The following UNC5D variants were observed in gnomAD, a reference collection of about 807,000 sequenced individuals.
UNC5D encodes netrin receptor UNC5D.
In UNC5D, 39 loss-of-function variants were observed where a neutral mutation model predicts 105.4. The ratio of observed to expected loss-of-function variants is 0.37; its 90% CI spans 0.29 to 0.48. UNC5D has a LOEUF of 0.48. Among genes scored for constraint, UNC5D ranks in the 20% least tolerant of loss-of-function variants. The pLI, the probability that UNC5D is intolerant of heterozygous loss-of-function variation, is 0.98. For synonymous variants in UNC5D, 452 were observed against 450.4 expected (o/e 1.00, Z -0.04); for missense variants, 991 against 1,202.4 (o/e 0.82, Z 2.60).
At chr8:35,513,297 C>T (rs930153017) in intron 1 of UNC5D, among the ~76,000 whole-genome samples, 4 of 149,294 alleles carry the variant, frequency 2.7e-5, no homozygotes, top group African/African-American at 7.5e-5. Context: ...GGTGCAGTCT[C>T]GGCTCACTGC....
chr8:35,456,992 C>T (rs1413604511), intron 1 of UNC5D, among the ~76,000 whole-genome samples: 4 of 152,130 alleles, frequency 2.6e-5, no homozygotes, highest in South Asian at 2.1e-4. Context: ...TGCATTTTCT[C>T]GAGGTTTTGA....
At chr8:35,269,624 A>T (rs1805136340) in intron 1 of UNC5D, among the ~76,000 whole-genome samples, 1 of 152,204 alleles carries the variant, frequency 6.6e-6, no homozygotes, top group South Asian at 2.1e-4. Flanking sequence ...TTATTTAAAA[A>T]AAATTTCTTC....
chr8:35,321,101 G>C (rs902007598), intron 1 of UNC5D, among the ~76,000 whole-genome samples: 1 of 151,998 alleles, frequency 6.6e-6, no homozygotes, highest in African/African-American at 2.4e-5. Flanking sequence ...TTTTGCATCA[G>C]CTTTATTGTT....
chr8:35,541,767 AAAGT>A (rs1406617426), intron 1 of UNC5D, among the ~76,000 whole-genome samples: 1 of 152,230 alleles, frequency 6.6e-6, no homozygotes, highest in Non-Finnish European at 1.5e-5. Context: ...CTCCTGGCAG[AAAGT>A]AAATATGTCT....
At chr8:35,626,405 C>T (rs933473447) in intron 4 of UNC5D, among the ~76,000 whole-genome samples, 11 of 152,032 alleles carry the variant, frequency 7.2e-5, no homozygotes, top group Non-Finnish European at 1.5e-4. Context: ...AAAATGCAGC[C>T]TCCCTTTGGA....
chr8:35,494,364 T>A (rs1811410101), intron 1 of UNC5D, among the ~76,000 whole-genome samples: 1 of 152,138 alleles, frequency 6.6e-6, no homozygotes, highest in Admixed American at 6.5e-5. Context: ...ATAATGAAAT[T>A]TTATTTACAT....
At position 35,525,280 on chromosome 8, in the gene UNC5D, C is replaced by T. The variant is rs531403895; in HGVS notation, c.104-24012C>T. 117 of 1,612,260 alleles carry T rather than the reference C, an allele frequency of 7.3e-5. 3 individuals carry two copies. In the South Asian group the frequency reaches 1.2e-3, roughly 17 times the overall value. On this transcript the variant is annotated intron_variant, in intron 1 of 16. Coordinates refer to ENST00000404895, the MANE Select transcript of UNC5D (RefSeq NM_080872.4). Reference sequence around the variant, plus strand: ...AAATGTTTTTCAACTATTTTGCGTACATGGCTCAGTGCACTCCCCTCTTTG... The same window carrying T: ...AAATGTTTTTCAACTATTTTGCGTATATGGCTCAGTGCACTCCCCTCTTTG...
Position 35,790,567 on chromosome 8 carries a change from A to C in UNC5D, c.*4A>C. ...CAGCAGGCAAAATGGACTCTAGTCCACTTCCTCCCATGAGACAGAGTGATG... is the reference window on the plus strand; with the variant it reads ...CAGCAGGCAAAATGGACTCTAGTCCCCTTCCTCCCATGAGACAGAGTGATG... On this transcript the variant is annotated 3_prime_UTR_variant, in exon 17 of 17. Transcript: ENST00000404895. 1 of 1,613,580 alleles carries C rather than the reference A, an allele frequency of 6.2e-7. No homozygotes were observed. The highest frequency in any genetic ancestry group is 1.1e-5 in the South Asian group (1 of 91,062).
chr8:35,756,224 CTG>C (rs1385232994), intron 13 of UNC5D, among the ~76,000 whole-genome samples: 3 of 152,198 alleles, frequency 2.0e-5, no homozygotes, highest in African/African-American at 7.2e-5. Context: ...TTACAAGACA[CTG>C]TTAATTGTAT....
intron 1 of UNC5D, among the ~76,000 whole-genome samples, chr8:35,358,682 TATTTA>T (rs1451206316): frequency 4.6e-5 from 7 of 152,202 alleles, no homozygotes; most frequent in Non-Finnish European, 7.3e-5. Context: ...CTGTATCATG[TATTTA>T]AATCATAGTC....
chr8:35,633,513 C>T (rs761163709), intron 4 of UNC5D, among the ~76,000 whole-genome samples: 5 of 151,618 alleles, frequency 3.3e-5, no homozygotes, highest in East Asian at 1.9e-4. Flanking sequence ...TTCAGGAGGT[C>T]GAGGCGGGAG....
At chr8:35,664,089 G>T (rs1192559108) in intron 4 of UNC5D, among the ~76,000 whole-genome samples, 1 of 152,120 alleles carries the variant, frequency 6.6e-6, no homozygotes, top group Non-Finnish European at 1.5e-5. Context: ...TGATGTTTGT[G>T]TACTCCACTT....
At chr8:35,524,670 GA>G (rs1395151983) in intron 1 of UNC5D, among the ~76,000 whole-genome samples, 170 of 138,332 alleles carry the variant, frequency 1.2e-3, no homozygotes, top group Admixed American at 2.9e-3. Flanking sequence ...AAAGAAAAAA[GA>G]AAAAAAAAGG....
chr8:35,779,722 C>T (rs1802417458), intron 16 of UNC5D, among the ~76,000 whole-genome samples: 1 of 152,154 alleles, frequency 6.6e-6, no homozygotes, highest in Admixed American at 6.5e-5. Context: ...TCCCAAAGTG[C>T]TGAGATTACA....
intron 4 of UNC5D, among the ~76,000 whole-genome samples, chr8:35,628,529 C>T (rs1044306087): frequency 6.6e-6 from 1 of 152,182 alleles, no homozygotes; most frequent in African/African-American, 2.4e-5. Context: ...TTTTTCAGAA[C>T]CAGAGAAACA....
At chr8:35,682,112 G>C (rs557742606) in intron 4 of UNC5D, among the ~76,000 whole-genome samples, 1 of 151,974 alleles carries the variant, frequency 6.6e-6, no homozygotes, top group Non-Finnish European at 1.5e-5. Flanking sequence ...TTACAGGCAC[G>C]TGCCACCACA....
intron 1 of UNC5D, among the ~76,000 whole-genome samples, chr8:35,291,989 T>A (rs968317826): frequency 6.6e-6 from 1 of 152,204 alleles, no homozygotes; most frequent in African/African-American, 2.4e-5. Context: ...CACCCGCTGG[T>A]TTTCTTCTAG....
intron 7 of UNC5D, among the ~76,000 whole-genome samples, chr8:35,701,422 T>C (rs188900332): frequency 8.1e-4 from 123 of 152,282 alleles, no homozygotes; most frequent in Middle Eastern, 3.4e-3. Context: ...CCCAGGGATG[T>C]GGGCTGCATG....
chr8:35,236,694 CA>C (rs1802496009), intron 1 of UNC5D, among the ~76,000 whole-genome samples: 3 of 152,220 alleles, frequency 2.0e-5, no homozygotes, highest in Admixed American at 2.0e-4. Flanking sequence ...GTTTCAGCTC[CA>C]CCTTGAGCGA....
Sources: allele counts gnomAD v4.1 joint callset (sites outside exome capture counted in the v4.1 genomes callset), GRCh38; gene constraint gnomAD v4.1.1; transcripts MANE v1.5; gene names NCBI Gene and HGNC (gene_info 2026-07-23, HGNC 2026-07-21).